Variants in ALCAM observed in about 807,000 individuals in gnomAD.
ALCAM encodes CD166 antigen.
ALCAM carries 30 observed loss-of-function variants against 70.9 expected under a neutral mutation model. That is an observed-to-expected ratio of 0.42 (90% CI 0.32 to 0.57). The LOEUF is 0.57. Among genes scored for constraint, ALCAM ranks in the 20% least tolerant of loss-of-function variants. ALCAM has a pLI of 0.11. For missense variants in ALCAM, 591 were observed against 695.1 expected (o/e 0.85, Z 1.68); for synonymous variants, 249 against 242.5 (o/e 1.03, Z -0.25).
rs1349000751 is a variant in ALCAM, at chr3:105,574,556, A to G, written c.*105A>G. ...TAAACAAAGACATTGACAGCAATTC[A>G]TGGTTCAAGTATTAAGCAGTTCATT... On this transcript the variant is annotated 3_prime_UTR_variant, in exon 16 of 16. Transcript: ENST00000306107. The G allele has an allele frequency of 6.6e-6, 1 of 152,624 alleles. No individual in the cohort carries two copies. Among genetic ancestry groups the G allele is most frequent in the Non-Finnish European group, 1.5e-5 (1 of 68,030 alleles). The allele number at this position is 152,624 out of a possible 1,614,324, so 9.5% of individuals were successfully genotyped here. A position where few individuals can be genotyped will look rare whatever the true frequency, so the allele number is the denominator to read the frequency against.
intron 1 of ALCAM, among the ~76,000 whole-genome samples, chr3:105,433,421 C>T (rs1184773348): frequency 1.3e-5 from 2 of 152,164 alleles, no homozygotes; most frequent in Non-Finnish European, 2.9e-5. Context: ...TCCTTTACTT[C>T]TTTCGGATGG....
chr3:105,475,833 T>G (rs1938093829), intron 1 of ALCAM, among the ~76,000 whole-genome samples: 1 of 151,958 alleles, frequency 6.6e-6, no homozygotes, highest in Non-Finnish European at 1.5e-5. Context: ...CATCATGCTC[T>G]TAAATGTCCC....
intron 14 of ALCAM, among the ~76,000 whole-genome samples, chr3:105,563,667 C>CTGTTTTTT (rs1940678073): frequency 1.9e-5 from 1 of 52,034 alleles, no homozygotes; most frequent in Non-Finnish European, 3.0e-5. Flanking sequence ...CCAAGCATTT[C>CTGTTTTTT]TTTTTTTTTT....
intron 1 of ALCAM, among the ~76,000 whole-genome samples, chr3:105,466,286 G>C (rs539424979): frequency 2.5e-4 from 38 of 151,386 alleles, no homozygotes; most frequent in Non-Finnish European, 5.0e-4. Flanking sequence ...TTCTCCAAGA[G>C]AGCGTGGATG....
intron 1 of ALCAM, among the ~76,000 whole-genome samples, chr3:105,378,365 G>A (rs1023102623): frequency 1.3e-5 from 2 of 151,878 alleles, no homozygotes; most frequent in Non-Finnish European, 2.9e-5. Flanking sequence ...ATTTAGTTTA[G>A]ATGTTCAAAT....
At chr3:105,396,554 A>C (rs1210778708) in intron 1 of ALCAM, among the ~76,000 whole-genome samples, 1 of 152,078 alleles carries the variant, frequency 6.6e-6, no homozygotes, top group Non-Finnish European at 1.5e-5. Flanking sequence ...CAAAAGCATT[A>C]GTACAAATTG....
chr3:105,512,958 A>G (rs1939276726), intron 1 of ALCAM, among the ~76,000 whole-genome samples: 2 of 151,816 alleles, frequency 1.3e-5, no homozygotes, highest in African/African-American at 4.8e-5. Context: ...AACATACTTA[A>G]ACATTTCTCC....
intron 11 of ALCAM, among the ~76,000 whole-genome samples, chr3:105,549,753 A>C (rs974567494): frequency 5.3e-5 from 8 of 151,470 alleles, no homozygotes; most frequent in African/African-American, 1.9e-4. Flanking sequence ...ACAGTGACTA[A>C]ATTTATAAAT....
At chr3:105,381,822 C>T (rs1935528115) in intron 1 of ALCAM, among the ~76,000 whole-genome samples, 1 of 151,792 alleles carries the variant, frequency 6.6e-6, no homozygotes, top group South Asian at 2.1e-4. Flanking sequence ...ATTTCTCAAA[C>T]TTTAGTCCCT....
chr3:105,568,058 A>ATTTTT (rs34005304), intron 14 of ALCAM, among the ~76,000 whole-genome samples: 4 of 116,246 alleles, frequency 3.4e-5, no homozygotes, highest in Admixed American at 1.8e-4. Context: ...ATTTTATTTT[A>ATTTTT]TTTTATTTTT....
At chr3:105,448,976 T>C (rs771217217) in intron 1 of ALCAM, among the ~76,000 whole-genome samples, 1 of 152,180 alleles carries the variant, frequency 6.6e-6, no homozygotes, top group South Asian at 2.1e-4. Context: ...CTCTTTGAAT[T>C]TATCTTCCCC....
At chr3:105,397,828 TA>T in intron 1 of ALCAM, among the ~76,000 whole-genome samples, 1 of 152,214 alleles carries the variant, frequency 6.6e-6, no homozygotes, top group East Asian at 1.9e-4. Context: ...TTGACAACAC[TA>T]AAAATATGTA....
At chr3:105,489,750 T>A (rs944467885) in intron 1 of ALCAM, among the ~76,000 whole-genome samples, 2 of 152,250 alleles carry the variant, frequency 1.3e-5, no homozygotes, top group Admixed American at 6.5e-5. Flanking sequence ...TACACATTTT[T>A]ATGCTGCCTT....
At chr3:105,506,401 T>C (rs1156246393) in intron 1 of ALCAM, among the ~76,000 whole-genome samples, 1 of 152,238 alleles carries the variant, frequency 6.6e-6, no homozygotes, top group Non-Finnish European at 1.5e-5. Flanking sequence ...ATACAAAGTA[T>C]TTCAGTCTTT....
chr3:105,433,919 G>A (rs1410892311), intron 1 of ALCAM, among the ~76,000 whole-genome samples: 1 of 150,476 alleles, frequency 6.6e-6, no homozygotes, highest in Non-Finnish European at 1.5e-5. Flanking sequence ...TCCTGGGTCT[G>A]TTGCCAGGAA....
At chr3:105,446,848 T>A (rs73183112) in intron 1 of ALCAM, among the ~76,000 whole-genome samples, 1 of 151,990 alleles carries the variant, frequency 6.6e-6, no homozygotes, top group Non-Finnish European at 1.5e-5. Context: ...GGCTCCCAGA[T>A]CTGGAACGTG....
chr3:105,371,517 C>CTTTTTTTTT (rs35522913), intron 1 of ALCAM, among the ~76,000 whole-genome samples: 2 of 142,558 alleles, frequency 1.4e-5, no homozygotes, highest in Non-Finnish European at 3.1e-5. Flanking sequence ...AAAGATGTTT[C>CTTTTTTTTT]TTTTTTTTTT....
At chr3:105,541,115 CT>C (rs3836274) in intron 7 of ALCAM, among the ~76,000 whole-genome samples, 36,943 of 151,240 alleles carry the variant, frequency 0.24, 4,734 homozygotes, top group African/African-American at 0.32. Flanking sequence ...TTCTTAATTT[CT>C]TTTTTTCTTT....
intron 1 of ALCAM, among the ~76,000 whole-genome samples, chr3:105,468,882 T>G (rs1396151295): frequency 1.3e-5 from 2 of 151,336 alleles, no homozygotes; most frequent in African/African-American, 4.8e-5. Flanking sequence ...TTTTCTGATT[T>G]CATGTGCTAT....
Sources: allele counts gnomAD v4.1 joint callset (sites outside exome capture counted in the v4.1 genomes callset), GRCh38; gene constraint gnomAD v4.1.1; transcripts MANE v1.5; gene names NCBI Gene and HGNC (gene_info 2026-07-23, HGNC 2026-07-21).